Variants in MYO3B observed in about 807,000 individuals in gnomAD.
MYO3B encodes the protein myosin-IIIb.
A neutral mutation model predicts 174.6 loss-of-function variants in MYO3B; 156 were observed. That is an observed-to-expected ratio of 0.89 (90% CI 0.78 to 1.02). The LOEUF (loss-of-function observed/expected upper bound fraction) is 1.02. MYO3B is among the 50% of genes least tolerant of loss of function. The pLI is 0.00. For missense variants in MYO3B, 1,632 were observed against 1,639.4 expected, an observed-to-expected ratio of 1.00 and a Z score of 0.08; for synonymous variants, 563 against 569.1, an observed-to-expected ratio of 0.99 and a Z score of 0.15.
chr2:170,393,003 C>T (rs962524074), intron 16 of MYO3B, among the ~76,000 whole-genome samples: 9 of 151,800 alleles, frequency 5.9e-5, no homozygotes, highest in Non-Finnish European at 1.0e-4. Flanking sequence ...TAATTAAAAC[C>T]CTTTCAACTT....
chr2:170,236,814 G>GAGATA (rs1466447210), intron 7 of MYO3B, among the ~76,000 whole-genome samples: 1 of 152,218 alleles, frequency 6.6e-6, no homozygotes, highest in Non-Finnish European at 1.5e-5. Flanking sequence ...TGCAGATTGA[G>GAGATA]AGATAATTTG....
At chr2:170,320,003 C>T (rs2093812484) in intron 7 of MYO3B, among the ~76,000 whole-genome samples, 1 of 152,050 alleles carries the variant, frequency 6.6e-6, no homozygotes, top group Admixed American at 6.6e-5. Context: ...GCTAGCCAAC[C>T]CGCCTTACAA....
intron 8 of MYO3B, among the ~76,000 whole-genome samples, chr2:170,368,309 AG>A (rs1282277052): frequency 6.6e-6 from 1 of 152,348 alleles, no homozygotes; most frequent in Non-Finnish European, 1.5e-5. Flanking sequence ...TGTGGGCTTA[AG>A]GACAAGTGGC....
chr2:170,614,363 C>A (rs1197449672), intron 32 of MYO3B, among the ~76,000 whole-genome samples: 1 of 152,172 alleles, frequency 6.6e-6, no homozygotes, highest in Non-Finnish European at 1.5e-5. Context: ...TGGGGATCAT[C>A]ATTGTCTGCA....
At chr2:170,374,625 G>A (rs1252771669) in intron 9 of MYO3B, among the ~76,000 whole-genome samples, 1 of 152,062 alleles carries the variant, frequency 6.6e-6, no homozygotes. Context: ...ACTGTGCTTG[G>A]AGGGCTTGAA....
At chr2:170,475,547 G>A (rs368269288) in intron 25 of MYO3B, among the ~76,000 whole-genome samples, 2 of 152,102 alleles carry the variant, frequency 1.3e-5, no homozygotes, top group Non-Finnish European at 2.9e-5. Flanking sequence ...GAGCCACCAC[G>A]TCCAGCTTAT....
chr2:170,456,257 A>G (rs1683903143), intron 23 of MYO3B, among the ~76,000 whole-genome samples: 1 of 152,192 alleles, frequency 6.6e-6, no homozygotes, highest in South Asian at 2.1e-4. Context: ...CTGCAAAACA[A>G]ACAGTGGTTT....
At chr2:170,611,211 G>C (rs1293485653) in intron 32 of MYO3B, among the ~76,000 whole-genome samples, 1 of 152,152 alleles carries the variant, frequency 6.6e-6, no homozygotes, top group Non-Finnish European at 1.5e-5. Flanking sequence ...TTATGAAGCG[G>C]AGATTTGGCA....
At chr2:170,338,848 C>G (rs1366253081) in intron 8 of MYO3B, among the ~76,000 whole-genome samples, 1 of 152,092 alleles carries the variant, frequency 6.6e-6, no homozygotes, top group East Asian at 1.9e-4. Flanking sequence ...AGTGATCTGC[C>G]CACCTCAGCC....
chr2:170,616,139 G>A (rs1695450773), intron 32 of MYO3B, among the ~76,000 whole-genome samples: 1 of 152,212 alleles, frequency 6.6e-6, no homozygotes, highest in African/African-American at 2.4e-5. Context: ...CATGGAAACA[G>A]GACGTGAAGC....
chr2:170,413,647 A>T (rs115402203), intron 22 of MYO3B, among the ~76,000 whole-genome samples: 2,347 of 151,414 alleles, frequency 0.016, 38 homozygotes, highest in Non-Finnish European at 0.025. Flanking sequence ...TAGATTTAGG[A>T]TCCAGTTTGA....
chr2:170,473,183 C>T (rs1356821820), intron 25 of MYO3B, among the ~76,000 whole-genome samples: 1 of 131,114 alleles, frequency 7.6e-6, no homozygotes, highest in East Asian at 2.3e-4. Context: ...CACTCTGTCA[C>T]CTAGGCTGGA....
chr2:170,622,707 T>A (rs1448009102), intron 32 of MYO3B, among the ~76,000 whole-genome samples: 1 of 151,784 alleles, frequency 6.6e-6, no homozygotes, highest in Non-Finnish European at 1.5e-5. Context: ...TATCTCCTAA[T>A]GCTATCCCTC....
At position 170,198,844 on chromosome 2, in the gene MYO3B, AC is replaced by A. The variant is rs1366558255; in HGVS notation, c.3-363del. Among the ~76,000 whole-genome samples the A allele has an allele frequency of 1.2e-4, 6 of 52,104 alleles. No individual in the cohort carries two copies. In the East Asian group the frequency reaches 3.9e-3, roughly 33 times the overall value. The allele number at this position is 52,104 out of a possible 152,430, so 34.2% of individuals were successfully genotyped here. A position where few individuals can be genotyped will look rare whatever the true frequency, so the allele number is the denominator to read the frequency against. On this transcript the variant is annotated intron_variant, in intron 1 of 34. Transcript: ENST00000408978. ...CCTAGGGACAAAGATGTTAGACTTA[AC>A]AGTTTTCAGCCACTTTCCCTGGCAG...
chr2:170,236,587 C>T (rs1180842217), intron 7 of MYO3B, among the ~76,000 whole-genome samples: 3 of 152,220 alleles, frequency 2.0e-5, no homozygotes, highest in Admixed American at 6.5e-5. Flanking sequence ...CTATATCTTA[C>T]TCTCCATCCC....
intron 32 of MYO3B, among the ~76,000 whole-genome samples, chr2:170,589,340 A>G (rs946296981): frequency 1.3e-5 from 2 of 152,186 alleles, no homozygotes; most frequent in African/African-American, 2.4e-5. Context: ...GAGTGACACC[A>G]CCTCCTCAAG....
chr2:170,349,102 T>C (rs2094040424), intron 8 of MYO3B, among the ~76,000 whole-genome samples: 1 of 152,178 alleles, frequency 6.6e-6, no homozygotes, highest in African/African-American at 2.4e-5. Flanking sequence ...ACTAAAACTC[T>C]GTAACACACA....
chr2:170,287,171 T>A (rs2093562713), intron 7 of MYO3B, among the ~76,000 whole-genome samples: 1 of 152,156 alleles, frequency 6.6e-6, no homozygotes, highest in South Asian at 2.1e-4. Flanking sequence ...CTATTGTGAA[T>A]AGTGATGCAA....
chr2:170,400,834 T>C (rs1222927257), intron 17 of MYO3B, among the ~76,000 whole-genome samples: 1 of 152,130 alleles, frequency 6.6e-6, no homozygotes, highest in African/African-American at 2.4e-5. Context: ...GCAGTGTTTT[T>C]TTCTTTTTTT....
Sources: allele counts gnomAD v4.1 joint callset (sites outside exome capture counted in the v4.1 genomes callset), GRCh38; gene constraint gnomAD v4.1.1; transcripts MANE v1.5; gene names NCBI Gene and HGNC (gene_info 2026-07-23, HGNC 2026-07-21).